KCMF1: variants seen among roughly 807,000 people sequenced by gnomAD.
KCMF1 encodes the protein E3 ubiquitin-protein ligase KCMF1.
KCMF1 carries 3 observed loss-of-function variants against 41.1 expected under a neutral mutation model. The observed-to-expected ratio is 0.07, with a 90% CI of 0.03 to 0.19. The LOEUF (loss-of-function observed/expected upper bound fraction) is 0.19. Ranked by LOEUF, KCMF1 falls within the 10% of genes least tolerant of loss-of-function variation. The pLI is 1.00. For missense variants in KCMF1, 286 were observed against 488.9 expected (o/e 0.58, Z 3.91); for synonymous variants, 142 against 164.5 (o/e 0.86, Z 1.04).
At chr2:85,027,407 C>T (rs890337670) in intron 1 of KCMF1, among the ~76,000 whole-genome samples, 14 of 124,230 alleles carry the variant, frequency 1.1e-4, no homozygotes, top group Non-Finnish European at 1.6e-5. Flanking sequence ...GACAAAGCCT[C>T]ACTCTGTTGT....
chr2:85,014,720 C>T (rs74262906), intron 1 of KCMF1, among the ~76,000 whole-genome samples: 9,504 of 141,812 alleles, frequency 0.067, 536 homozygotes, highest in East Asian at 0.35. Context: ...TGCGTGCGTG[C>T]GTGCGTGTGT....
rs183539828 is a variant in KCMF1, at chr2:85,055,008, A to G, written c.*1599A>G. 2 of 152,266 alleles carry G rather than the reference A, an allele frequency of 1.3e-5. No homozygotes were observed. Among genetic ancestry groups the G allele is most frequent in the Admixed American group, 1.3e-4 (2 of 15,280 alleles). 9.4% of individuals were successfully genotyped at this position (152,266 alleles called of 1,614,324 possible). A position where few individuals can be genotyped will look rare whatever the true frequency, so the allele number is the denominator to read the frequency against. ...ACTGTTGCTTCTCCTCTGAAACTTC[A>G]AACTCCAACGATTTCCAAATACAAT... On this transcript the variant is annotated 3_prime_UTR_variant, in exon 7 of 7. Transcript: ENST00000409785.
chr2:85,034,405 C>T (rs925998325), intron 2 of KCMF1, among the ~76,000 whole-genome samples: 3 of 151,772 alleles, frequency 2.0e-5, no homozygotes, highest in African/African-American at 7.3e-5. Flanking sequence ...CAGTGTTGCC[C>T]CAGTATATAC....
chr2:85,004,921 C>T (rs1428621636), intron 1 of KCMF1, among the ~76,000 whole-genome samples: 3 of 151,958 alleles, frequency 2.0e-5, no homozygotes, highest in South Asian at 2.1e-4. Flanking sequence ...CTGCAACCTC[C>T]GCCTCCCGGA....
intron 1 of KCMF1, among the ~76,000 whole-genome samples, chr2:84,980,437 A>G (rs1395061819): frequency 1.3e-5 from 2 of 152,182 alleles, no homozygotes; most frequent in African/African-American, 2.4e-5. Context: ...AACACTGCCC[A>G]ATGAAATGAA....
intron 1 of KCMF1, among the ~76,000 whole-genome samples, chr2:85,008,387 A>ATTATATATCATATGATATATTATG (rs1674562530): frequency 1.5e-5 from 2 of 131,620 alleles, no homozygotes; most frequent in African/African-American, 5.7e-5. Flanking sequence ...TATATTATAT[A>ATTATATATCATATGATATATTATG]TGATATATAT....
intron 1 of KCMF1, among the ~76,000 whole-genome samples, chr2:84,972,954 C>A (rs1002387054): frequency 1.3e-5 from 2 of 152,174 alleles, no homozygotes; most frequent in African/African-American, 4.8e-5. Flanking sequence ...AGCTATGCCT[C>A]TTTTCCCCAC....
At chr2:84,997,099 T>TC (rs1461937861) in intron 1 of KCMF1, among the ~76,000 whole-genome samples, 2 of 152,174 alleles carry the variant, frequency 1.3e-5, no homozygotes, top group Admixed American at 6.5e-5. Context: ...GGCTATGCAG[T>TC]CTATTGTTGA....
In KCMF1 at chr2:85,012,960, A is replaced by T. The variant is rs980744951; in HGVS notation, c.17-14929A>T. Among the ~76,000 whole-genome samples the T allele has an allele frequency of 3.3e-5, 5 of 152,278 alleles. No individual in the cohort carries two copies. The South Asian group carries it at 1.0e-3, about 32-fold the overall frequency. On this transcript the variant is annotated intron_variant, in intron 1 of 6. Coordinates refer to ENST00000409785, the MANE Select transcript of KCMF1 (RefSeq NM_020122.5). ...ACTGGATTTAGGATAACTGCTCTAT[A>T]TGTGGAGAACATTAGAACAAAGGGA...
At chr2:84,988,251 C>T (rs897328971) in intron 1 of KCMF1, among the ~76,000 whole-genome samples, 1 of 151,518 alleles carries the variant, frequency 6.6e-6, no homozygotes, top group Non-Finnish European at 1.5e-5. Flanking sequence ...AAAAAGTAGG[C>T]TTCTTGGGAA....
At chr2:85,052,173 G>C (rs185642673) in intron 6 of KCMF1, among the ~76,000 whole-genome samples, 1 of 152,150 alleles carries the variant, frequency 6.6e-6, no homozygotes, top group Non-Finnish European at 1.5e-5. Flanking sequence ...AGGTTTAAGC[G>C]ATTCTCCTAC....
chr2:84,984,575 C>T (rs1559125884), intron 1 of KCMF1, among the ~76,000 whole-genome samples: 2 of 152,020 alleles, frequency 1.3e-5, no homozygotes, highest in African/African-American at 2.4e-5. Context: ...AATCCCAGCA[C>T]TTTGGGAGGC....
At chr2:85,009,156 G>A (rs1281912197) in intron 1 of KCMF1, among the ~76,000 whole-genome samples, 1 of 152,130 alleles carries the variant, frequency 6.6e-6, no homozygotes, top group Non-Finnish European at 1.5e-5. Context: ...CTTCCCCCTT[G>A]CTGTTCTTGA....
chr2:85,028,193 T>C, intron 2 of KCMF1, 137 bp downstream of exon 2: 1 of 614,136 alleles, frequency 1.6e-6, no homozygotes. Flanking sequence ...AAATCTTACT[T>C]TTTTTTGAGA....
chr2:84,979,766 T>C (rs1673656602), intron 1 of KCMF1, among the ~76,000 whole-genome samples: 1 of 152,134 alleles, frequency 6.6e-6, no homozygotes, highest in Non-Finnish European at 1.5e-5. Flanking sequence ...AAGTTATTCA[T>C]TAAAATTGAG....
chr2:85,017,322 G>A (rs1270799870), intron 1 of KCMF1, among the ~76,000 whole-genome samples: 1 of 151,978 alleles, frequency 6.6e-6, no homozygotes, highest in African/African-American at 2.4e-5. Context: ...CACCGCGCCC[G>A]GCCATCTAAG....
chr2:84,982,389 C>CTTTCTTT (rs1673784211), intron 1 of KCMF1, among the ~76,000 whole-genome samples: 1 of 47,256 alleles, frequency 2.1e-5, no homozygotes, highest in Non-Finnish European at 3.6e-5. Context: ...TCCTTATTTT[C>CTTTCTTT]TTTTTTTTTT....
intron 1 of KCMF1, among the ~76,000 whole-genome samples, chr2:84,987,958 C>G (rs561060979): frequency 9.9e-5 from 15 of 152,244 alleles, no homozygotes; most frequent in African/African-American, 3.1e-4. Context: ...CAGTGGCTCA[C>G]ACCTGTAATC....
At chr2:85,036,196 A>G (rs1280657531) in intron 3 of KCMF1, among the ~76,000 whole-genome samples, 1 of 152,246 alleles carries the variant, frequency 6.6e-6, no homozygotes, top group African/African-American at 2.4e-5. Context: ...TTTATTTTTT[A>G]TAGACATCAA....
Sources: allele counts gnomAD v4.1 joint callset (sites outside exome capture counted in the v4.1 genomes callset), GRCh38; gene constraint gnomAD v4.1.1; transcripts MANE v1.5; gene names NCBI Gene and HGNC (gene_info 2026-07-23, HGNC 2026-07-21).